THOC2: variants seen among roughly 807,000 people sequenced by gnomAD.
THOC2 encodes the protein THO complex 2.
THOC2 carries 10 observed loss-of-function variants against 128.4 expected under a neutral mutation model. The ratio of observed to expected loss-of-function variants is 0.08; its 90% CI spans 0.05 to 0.13. THOC2 has a LOEUF of 0.13. Ranked by LOEUF, THOC2 falls within the 10% of genes least tolerant of loss-of-function variation. THOC2 has a pLI of 1.00. For synonymous variants in THOC2, 393 were observed against 396.9 expected (o/e 0.99, Z 0.12); for missense variants, 535 against 1,155.7 (o/e 0.46, Z 7.79).
intron 8 of THOC2, among the ~76,000 whole-genome samples, chrX:123,684,448 A>T (rs1034958828): frequency 9.0e-6 from 1 of 111,525 alleles, no homozygotes; most frequent in Admixed American, 9.5e-5. Flanking sequence ...CAGTGGCATG[A>T]TCTCGGCTCA....
At position 123,648,456 on chromosome X, in the gene THOC2, G is replaced by A. The variant is rs183850123; in HGVS notation, c.1387-3081C>T. Among the ~76,000 whole-genome samples, 38 of 111,524 alleles carry A rather than the reference G, an allele frequency of 3.4e-4. 1 individual carries two copies. In the East Asian group the frequency reaches 0.011, roughly 31 times the overall value. ...CCCAGTAGCGCCTGGAACACCAGGC[G>A]AGACAGAACCATCCACTCCCCTGGA... On this transcript the variant is annotated intron_variant, in intron 12 of 38. Transcript: ENST00000245838.
intron 1 of THOC2, among the ~76,000 whole-genome samples, chrX:123,725,156 C>T (rs370248880): frequency 6.2e-4 from 56 of 89,854 alleles, no homozygotes; most frequent in African/African-American, 2.2e-3. Flanking sequence ...ACATTTCTCA[C>T]TAAAAAAATT....
At position 123,701,733 on chromosome X, in the gene THOC2, A is replaced by C. The variant is rs1482980336; in HGVS notation, c.274+1721T>G. ...TAATATCTTTAGTGCCTCACTAAAA[A>C]TTTTAGCTTAAAACATTTTTTGGTT... On this transcript the variant is annotated intron_variant, in intron 4 of 38. Coordinates refer to ENST00000245838, the MANE Select transcript of THOC2 (RefSeq NM_001081550.2). 2.7e-5 allele frequency among the ~76,000 whole-genome samples: 3 copies of C among 111,364 alleles called. No individual in the cohort carries two copies. The Admixed American group carries it at 2.9e-4, about 11-fold the overall frequency.
chrX:123,605,540 T>C (rs1032202436), intron 38 of THOC2, among the ~76,000 whole-genome samples: 1 of 111,590 alleles, frequency 9.0e-6, no homozygotes, highest in Non-Finnish European at 1.9e-5. Context: ...CCTCAAAAAA[T>C]ATGCTGCAGC....
chrX:123,720,294 A>T (rs995342537), intron 1 of THOC2, among the ~76,000 whole-genome samples: 56 of 109,206 alleles, frequency 5.1e-4, no homozygotes, highest in Non-Finnish European at 5.0e-4. Context: ...AAAAAAATTT[A>T]AAAATTAGCG....
intron 1 of THOC2, among the ~76,000 whole-genome samples, chrX:123,716,748 A>C (rs1352873814): frequency 3.9e-5 from 4 of 103,612 alleles, no homozygotes; most frequent in African/African-American, 7.2e-5. Context: ...AAAAAAAAAA[A>C]GTAGCCGAGT....
intron 1 of THOC2, among the ~76,000 whole-genome samples, chrX:123,729,080 A>G (rs1371136718): frequency 8.9e-6 from 1 of 112,386 alleles, no homozygotes; most frequent in Non-Finnish European, 1.9e-5. Context: ...AAAATAATCA[A>G]GAAACTAAAA....
At chrX:123,680,965 TTCTCTCTC>T (rs374368414) in intron 8 of THOC2, among the ~76,000 whole-genome samples, 74 of 105,083 alleles carry the variant, frequency 7.0e-4, no homozygotes, top group African/African-American at 2.2e-3. Flanking sequence ...CACACATGCA[TTCTCTCTC>T]TCTCTCTCTC....
chrX:123,698,868 C>CT (rs1169306962), intron 4 of THOC2, among the ~76,000 whole-genome samples: 1 of 105,949 alleles, frequency 9.4e-6, no homozygotes, highest in Non-Finnish European at 1.9e-5. Flanking sequence ...GAGTAAGACT[C>CT]TGTCTCAAAA....
chrX:123,631,498 C>A (rs923144371), intron 22 of THOC2, among the ~76,000 whole-genome samples, 190 bp downstream of exon 22: 10 of 111,784 alleles, frequency 8.9e-5, no homozygotes, highest in African/African-American at 2.9e-4. Context: ...CAATTAGACT[C>A]CAAATTTCTC....
At chrX:123,640,426 T>C (rs1163125023) in intron 16 of THOC2, 112 bp downstream of exon 16, 4 of 505,890 alleles carry the variant, frequency 7.9e-6, no homozygotes, top group African/African-American at 4.8e-5. Flanking sequence ...ATTTTGTTTT[T>C]AGCATAACCT....
At chrX:123,608,147 T>A (rs977787661) in intron 38 of THOC2, among the ~76,000 whole-genome samples, 1 of 111,491 alleles carries the variant, frequency 9.0e-6, no homozygotes, top group Non-Finnish European at 1.9e-5. Context: ...ACGTCTGTAA[T>A]GCCAGCACTT....
intron 1 of THOC2, among the ~76,000 whole-genome samples, chrX:123,716,352 G>C (rs1447807550): frequency 8.9e-6 from 1 of 112,199 alleles, no homozygotes; most frequent in Non-Finnish European, 1.9e-5. Context: ...GGCTAAGGCA[G>C]GTGGATCACT....
chrX:123,606,973 C>T (rs1310343794), intron 38 of THOC2, among the ~76,000 whole-genome samples: 1 of 110,697 alleles, frequency 9.0e-6, no homozygotes, highest in Non-Finnish European at 1.9e-5. Context: ...CTCAACATCC[C>T]TGAGTTGAGG....
chrX:123,705,152 C>G (rs2147931377), intron 3 of THOC2, among the ~76,000 whole-genome samples: 1 of 111,725 alleles, frequency 9.0e-6, no homozygotes, highest in African/African-American at 3.2e-5. Context: ...GTATATAGTA[C>G]TAAGAGAAAG....
At chrX:123,606,959 T>C (rs1179580980) in intron 38 of THOC2, among the ~76,000 whole-genome samples, 1 of 111,270 alleles carries the variant, frequency 9.0e-6, no homozygotes, top group Non-Finnish European at 1.9e-5. Context: ...AAAAGTTTGC[T>C]GAACTCAACA....
At chrX:123,629,701 A>G (rs906431724) in intron 22 of THOC2, among the ~76,000 whole-genome samples, 3 of 111,818 alleles carry the variant, frequency 2.7e-5, no homozygotes, top group Non-Finnish European at 5.6e-5. Context: ...AGGAGTCCCA[A>G]TTGCATCAGA....
chrX:123,606,693 A>C (rs2046486174), intron 38 of THOC2, among the ~76,000 whole-genome samples: 1 of 112,414 alleles, frequency 8.9e-6, no homozygotes, highest in Non-Finnish European at 1.9e-5. Flanking sequence ...TAGGATTTAG[A>C]GGATAAAAAT....
intron 7 of THOC2, among the ~76,000 whole-genome samples, chrX:123,694,519 A>T (rs548106085): frequency 7.3e-5 from 8 of 109,952 alleles, no homozygotes; most frequent in African/African-American, 2.3e-4. Context: ...GAGGCAGGAG[A>T]ACTGCTTGAA....
Sources: gnomAD v4.1 joint callset for allele counts (sites outside exome capture counted in the v4.1 genomes callset) on GRCh38, gnomAD v4.1.1 for gene constraint, MANE v1.5 for transcripts, NCBI Gene and HGNC (gene_info 2026-07-23, HGNC 2026-07-21) for gene names.